Variants in FAM83B observed in about 807,000 individuals in gnomAD.
FAM83B encodes protein FAM83B.
Under a neutral mutation model 38.8 loss-of-function variants are expected in FAM83B, and 26 were observed. That is an observed-to-expected ratio of 0.67 (90% CI 0.49 to 0.93). The LOEUF (loss-of-function observed/expected upper bound fraction) is 0.93. Ranked by LOEUF, FAM83B falls within the 40% of genes least tolerant of loss-of-function variation. The pLI is 0.00. For synonymous variants in FAM83B, 419 were observed against 423.1 expected, an observed-to-expected ratio of 0.99 and a Z score of 0.12; for missense variants, 1,237 against 1,197.3, an observed-to-expected ratio of 1.03 and a Z score of -0.49.
rs748530899 is a variant in FAM83B at position 54,940,805 on chromosome 6, C to T, written c.1834C>T (p.His612Tyr). 1 of 1,614,028 alleles carries T rather than the reference C, an allele frequency of 6.2e-7. No individual in the cohort carries two copies. The highest frequency in any genetic ancestry group is 8.5e-7 in the Non-Finnish European group (1 of 1,180,006). ...ATTGCAGTCAGAGGCACCAAAAATG[C>T]ACACCTTGCAGGTTCCTGAAAACCA... ...LPLQSEAPKMHTLQVPENHSV... is the reference protein window; with the variant it reads ...LPLQSEAPKMYTLQVPENHSV... Residue 612 changes from histidine to tyrosine, a missense_variant, in exon 5 of 5, where the codon CAC becomes TAC. His to Tyr is a moderately conservative substitution (Grantham distance 83). Transcript: ENST00000306858.
chr6:54,878,349 A>G (rs1185452699), intron 2 of FAM83B, among the ~76,000 whole-genome samples: 1 of 152,234 alleles, frequency 6.6e-6, no homozygotes, highest in African/African-American at 2.4e-5. Flanking sequence ...GTTTACCTAC[A>G]AATGGGGTTA....
intron 1 of FAM83B, among the ~76,000 whole-genome samples, chr6:54,852,187 G>A (rs1771316253): frequency 6.6e-6 from 1 of 152,136 alleles, no homozygotes; most frequent in African/African-American, 2.4e-5. Flanking sequence ...TCGTTTTATT[G>A]TGCTTTGCTT....
intron 2 of FAM83B, among the ~76,000 whole-genome samples, chr6:54,885,353 A>G (rs1772249712): frequency 6.7e-6 from 1 of 150,088 alleles, no homozygotes; most frequent in East Asian, 1.9e-4. Flanking sequence ...CATTTGTTTG[A>G]TTTATTCCTA....
chr6:54,893,598 T>G (rs1398293307), intron 2 of FAM83B, among the ~76,000 whole-genome samples: 1 of 152,170 alleles, frequency 6.6e-6, no homozygotes, highest in African/African-American at 2.4e-5. Context: ...ATGCTGTATG[T>G]CCAACATACA....
chr6:54,918,058 C>CA lies in FAM83B; in HGVS notation c.445-8311dup, dbSNP rs199931506. ...AACTTTTCTGTAGGTTTGACAATTT[C>CA]AATAATAAAATTGAGAATGAAGGAA... On this transcript the variant is annotated intron_variant, in intron 2 of 4. Coordinates refer to ENST00000306858, the MANE Select transcript of FAM83B (RefSeq NM_001010872.3). 1.2e-3 allele frequency among the ~76,000 whole-genome samples: 178 copies of CA among 151,948 alleles called. 2 individuals carry two copies. The East Asian group carries it at 0.03, about 26-fold the overall frequency.
intron 1 of FAM83B, among the ~76,000 whole-genome samples, chr6:54,862,902 C>T (rs937424448): frequency 6.6e-6 from 1 of 151,576 alleles, no homozygotes; most frequent in Admixed American, 6.6e-5. Flanking sequence ...AAAAAAAAAT[C>T]CACCTGTCAT....
At chr6:54,904,041 C>T (rs1309944700) in intron 2 of FAM83B, among the ~76,000 whole-genome samples, 1 of 151,524 alleles carries the variant, frequency 6.6e-6, no homozygotes, top group Admixed American at 6.6e-5. Context: ...GTTGTGCCCT[C>T]TCATTTGGCC....
intron 2 of FAM83B, among the ~76,000 whole-genome samples, chr6:54,914,115 A>G (rs1444605098): frequency 6.6e-6 from 1 of 152,124 alleles, no homozygotes; most frequent in Non-Finnish European, 1.5e-5. Flanking sequence ...TTTAATCTAT[A>G]AGTTTCCCTC....
chr6:54,906,793 ATGG>A (rs1205065890), intron 2 of FAM83B, among the ~76,000 whole-genome samples: 1 of 152,214 alleles, frequency 6.6e-6, no homozygotes, highest in Non-Finnish European at 1.5e-5. Context: ...ATTTTTAAAA[ATGG>A]TGATTTGATA....
In FAM83B at chr6:54,857,224, T is replaced by A. The variant is rs564209380; in HGVS notation, c.-61+10398T>A. On this transcript the variant is annotated intron_variant, in intron 1 of 4. Transcript: ENST00000306858. ...AAAAGTTGGTATTGGAACACACATTTATCATTTTTCCTACAGCATTTACTC... is the reference window on the plus strand; with the variant it reads ...AAAAGTTGGTATTGGAACACACATTAATCATTTTTCCTACAGCATTTACTC... Among the ~76,000 whole-genome samples the A allele has an allele frequency of 2.0e-5, 3 of 152,330 alleles. No individual in the cohort carries two copies. In the South Asian group the frequency reaches 6.2e-4, roughly 32 times the overall value.
At chr6:54,911,837 G>C (rs1246914675) in intron 2 of FAM83B, among the ~76,000 whole-genome samples, 1 of 151,956 alleles carries the variant, frequency 6.6e-6, no homozygotes, top group African/African-American at 2.4e-5. Flanking sequence ...TTTAAATGTT[G>C]CTGATCACAA....
At position 54,943,334 on chromosome 6, in the gene FAM83B, A is replaced by T. The variant is rs1194298926; in HGVS notation, c.*1327A>T. The T allele has an allele frequency of 6.6e-6, 1 of 152,206 alleles. No homozygotes were observed. Among genetic ancestry groups the T allele is most frequent in the Non-Finnish European group, 1.5e-5 (1 of 68,036 alleles). 9.4% of individuals were successfully genotyped at this position (152,206 alleles called of 1,614,324 possible). A position where few individuals can be genotyped will look rare whatever the true frequency, so the allele number is the denominator to read the frequency against. On this transcript the variant is annotated 3_prime_UTR_variant, in exon 5 of 5. Coordinates refer to ENST00000306858, the MANE Select transcript of FAM83B (RefSeq NM_001010872.3). ...AGATACCCTTTGTCTTTCTTACAGT[A>T]ATGAAGTATAAGCTCCATATCTGTT...
intron 2 of FAM83B, among the ~76,000 whole-genome samples, chr6:54,892,758 T>C (rs913279008): frequency 6.6e-6 from 1 of 151,470 alleles, no homozygotes; most frequent in Non-Finnish European, 1.5e-5. Flanking sequence ...ATGTTACATG[T>C]GATAATTTTA....
At position 54,940,394 on chromosome 6, in the gene FAM83B, C is replaced by T. The variant is rs376789656; in HGVS notation, c.1423C>T (p.Arg475Cys). 28 of 1,613,878 alleles carry T rather than the reference C, an allele frequency of 1.7e-5. 1 individual carries two copies. The highest frequency in any genetic ancestry group is 5.3e-5 in the African/African-American group (4 of 74,880). ...RSFNGTDNHI[R>C]FLQQRMPTLE... ...TTTTAATGGGACAGATAACCATATC[C>T]GCTTTTTGCAACAACGAATGCCAAC... The change falls in exon 5 of 5, where the codon CGC becomes TGC. Residue 475 changes from arginine to cysteine, a missense_variant. By Grantham distance (180) the Arg-to-Cys change is radical. Coordinates refer to ENST00000306858, the MANE Select transcript of FAM83B (RefSeq NM_001010872.3).
At chr6:54,918,745 C>A (rs1219759632) in intron 2 of FAM83B, among the ~76,000 whole-genome samples, 1 of 152,104 alleles carries the variant, frequency 6.6e-6, no homozygotes, top group Non-Finnish European at 1.5e-5. Context: ...ACCATATCAA[C>A]ATCCTTCTGA....
chr6:54,867,331 C>T (rs898157986), intron 1 of FAM83B, among the ~76,000 whole-genome samples: 2 of 152,062 alleles, frequency 1.3e-5, no homozygotes, highest in Admixed American at 6.6e-5. Flanking sequence ...ATGCAAGTGC[C>T]ATTACCCTGT....
intron 2 of FAM83B, among the ~76,000 whole-genome samples, chr6:54,893,446 A>C (rs781640319): frequency 2.6e-5 from 4 of 152,124 alleles, no homozygotes; most frequent in Non-Finnish European, 5.9e-5. Flanking sequence ...AATACATAAA[A>C]GCTCAAAATA....
chr6:54,909,906 C>T (rs568513218), intron 2 of FAM83B, among the ~76,000 whole-genome samples: 1 of 152,094 alleles, frequency 6.6e-6, no homozygotes, highest in Middle Eastern at 3.4e-3. Context: ...ATGGAAGGAA[C>T]GACATGAGCA....
At chr6:54,920,576 C>A (rs780514394) in intron 2 of FAM83B, among the ~76,000 whole-genome samples, 8 of 151,742 alleles carry the variant, frequency 5.3e-5, no homozygotes, top group Non-Finnish European at 1.0e-4. Context: ...AAGGGAAAAA[C>A]AATGTAGGTT....
Sources: gnomAD v4.1 joint callset for allele counts (sites outside exome capture counted in the v4.1 genomes callset) on GRCh38, gnomAD v4.1.1 for gene constraint, MANE v1.5 for transcripts, NCBI Gene and HGNC (gene_info 2026-07-23, HGNC 2026-07-21) for gene names.